Variants in RPAP2 observed in about 807,000 individuals in gnomAD.
The protein encoded by RPAP2 is RNA polymerase II associated protein 2.
A neutral mutation model predicts 73.1 loss-of-function variants in RPAP2; 52 were observed. The ratio of observed to expected loss-of-function variants is 0.71; its 90% CI spans 0.57 to 0.90. The LOEUF is 0.90. Among genes scored for constraint, RPAP2 ranks in the 40% least tolerant of loss-of-function variants. The pLI is 0.00. For synonymous variants in RPAP2, 225 were observed against 242.1 expected (o/e 0.93, Z 0.65); for missense variants, 598 against 701.8 (o/e 0.85, Z 1.67).
intron 11 of RPAP2, among the ~76,000 whole-genome samples, chr1:92,347,789 A>G (rs1653983791): frequency 6.6e-6 from 1 of 152,210 alleles, no homozygotes; most frequent in South Asian, 2.1e-4. Context: ...TTTGGATATA[A>G]TGTAGGGAAC....
intron 12 of RPAP2, among the ~76,000 whole-genome samples, chr1:92,385,521 G>T (rs1293657658): frequency 6.6e-6 from 1 of 152,154 alleles, no homozygotes; most frequent in African/African-American, 2.4e-5. Context: ...AATGAAGATG[G>T]TTGTGAGTAG....
chr1:92,317,477 C>T (rs1651988578), intron 6 of RPAP2, among the ~76,000 whole-genome samples: 1 of 151,902 alleles, frequency 6.6e-6, no homozygotes, highest in East Asian at 1.9e-4. Context: ...CACTGCACTC[C>T]AGCCTAGGCA....
At chr1:92,338,215 G>C (rs1653385234) in intron 10 of RPAP2, among the ~76,000 whole-genome samples, 1 of 152,100 alleles carries the variant, frequency 6.6e-6, no homozygotes, top group South Asian at 2.1e-4. Flanking sequence ...TGAATGATAT[G>C]ATTGTTCTAA....
At chr1:92,357,955 C>T (rs1315284789) in intron 11 of RPAP2, among the ~76,000 whole-genome samples, 2 of 152,300 alleles carry the variant, frequency 1.3e-5, no homozygotes, top group East Asian at 3.9e-4. Flanking sequence ...GACACAGGAT[C>T]TCGCCCTGTT....
In RPAP2 at chr1:92,400,201, G is replaced by C. The variant is rs185308060; in HGVS notation, c.*13190G>C. On this transcript the variant is annotated 3_prime_UTR_variant, in exon 13 of 13. Transcript: ENST00000610020. ...GGATTAGGGAAGCCACCCTCTGTGA[G>C]TGAGTTAAACTGAGATTCCCTCCCC... 1 of 152,234 alleles carries C rather than the reference G, an allele frequency of 6.6e-6. No homozygotes were observed. The highest frequency in any genetic ancestry group is 1.5e-5 in the Non-Finnish European group (1 of 68,064). The allele number at this position is 152,234 out of a possible 1,614,324, so 9.4% of individuals were successfully genotyped here.
At chr1:92,385,758 C>A (rs918502951) in intron 12 of RPAP2, among the ~76,000 whole-genome samples, 24 of 152,068 alleles carry the variant, frequency 1.6e-4, no homozygotes, top group Non-Finnish European at 2.9e-5. Context: ...AACAAACAAA[C>A]AAAAAAGATG....
chr1:92,311,679 A>C (rs552738474), intron 6 of RPAP2, among the ~76,000 whole-genome samples: 1 of 152,338 alleles, frequency 6.6e-6, no homozygotes, highest in East Asian at 1.9e-4. Context: ...AAGTACAGGC[A>C]TATCTTGGAG....
intron 8 of RPAP2, among the ~76,000 whole-genome samples, chr1:92,332,893 A>T (rs548953155): frequency 2.6e-5 from 4 of 152,218 alleles, no homozygotes; most frequent in Non-Finnish European, 5.9e-5. Flanking sequence ...TAGCTCTCTG[A>T]TGCTAACAAA....
intron 10 of RPAP2, among the ~76,000 whole-genome samples, chr1:92,337,739 A>G (rs1653360402): frequency 1.3e-5 from 2 of 152,208 alleles, no homozygotes; most frequent in African/African-American, 2.4e-5. Context: ...TTGTTTATAT[A>G]TAATTTAGGA....
chr1:92,391,860 G>GT lies in RPAP2; in HGVS notation c.*4850dup, dbSNP rs1169510262. On this transcript the variant is annotated 3_prime_UTR_variant, in exon 13 of 13. Coordinates refer to ENST00000610020, the MANE Select transcript of RPAP2 (RefSeq NM_024813.3). ...AGAAGTTGAATCTCTGAATAAACCA[G>GT]TAACAGGTTCTGAAATTGAGGCAAT... 3 of 152,074 alleles carry GT rather than the reference G, an allele frequency of 2.0e-5. No homozygotes were observed. The highest frequency in any genetic ancestry group is 7.2e-5 in the African/African-American group (3 of 41,416). 9.4% of individuals were successfully genotyped at this position (152,074 alleles called of 1,614,324 possible).
chr1:92,335,392 TA>T (rs1349736569), intron 9 of RPAP2, among the ~76,000 whole-genome samples: 4 of 152,062 alleles, frequency 2.6e-5, no homozygotes, highest in East Asian at 3.8e-4. Flanking sequence ...AAAAGAAGCT[TA>T]AAAAAATAAA....
chr1:92,320,611 T>A lies in RPAP2; in HGVS notation c.501T>A (p.Phe167Leu), dbSNP rs753401340. Residue 167 changes from phenylalanine (F) to leucine (L), a missense_variant, in exon 7 of 13, where the codon TTT (phenylalanine) becomes TTA (leucine). Phe to Leu is a conservative substitution (Grantham distance 22, BLOSUM62 0). Coordinates refer to ENST00000610020, the MANE Select transcript of RPAP2 (RefSeq NM_024813.3). ...GTTCTTATTACAGGCATCCTGATTT[T>A]CAACTGCTAAAGGAAGAACAAAGGT... ...WVREEERHPD[F>L]QLLKEEQSGH... 1 of 1,611,494 alleles carries A rather than the reference T, an allele frequency of 6.2e-7. No homozygotes were observed.
In RPAP2 at chr1:92,328,147, T is replaced by A. The variant is rs190935967; in HGVS notation, c.1455+3772T>A. Among the ~76,000 whole-genome samples, 18 of 152,344 alleles carry A rather than the reference T, an allele frequency of 1.2e-4. 1 individual carries two copies. The highest frequency in any genetic ancestry group is 4.1e-4 in the African/African-American group (17 of 41,584). The stretch of plus-strand genomic sequence containing the variant: ...ACTATGTGCCGGGGCAATGATCTTT[T>A]TATGATGAGTTTCCCAGGTGTTCTT... On this transcript the variant is annotated intron_variant, in intron 8 of 12. Transcript: ENST00000610020.
chr1:92,356,605 CTG>C (rs1654478262), intron 11 of RPAP2, among the ~76,000 whole-genome samples: 1 of 69,528 alleles, frequency 1.4e-5, no homozygotes, highest in African/African-American at 5.4e-5. Flanking sequence ...TTTTTTTTTT[CTG>C]TATTTTTAGT....
chr1:92,362,688 T>G (rs1239419207), intron 11 of RPAP2, among the ~76,000 whole-genome samples: 5 of 152,206 alleles, frequency 3.3e-5, no homozygotes, highest in Non-Finnish European at 7.3e-5. Flanking sequence ...TTACAGTAAT[T>G]GAATCTCCAG....
rs1333487848 is a variant in RPAP2 at position 92,307,225 on chromosome 1, T to G, written c.437T>G (p.Phe146Cys). Residue 146 changes from phenylalanine to cysteine, a missense_variant, in exon 6 of 13, where the codon TTT becomes TGT. Phe to Cys is a radical substitution (Grantham distance 205). Transcript: ENST00000610020. ...CSNFCYQASK[F>C]FEAQIPKTPV... is the part of the protein sequence containing the mutation. Reference sequence around the variant, plus strand: ...AATTTTTGTTATCAAGCATCTAAGTTTTTTGAAGCACAAATTCCCAAAACT... The same window carrying G: ...AATTTTTGTTATCAAGCATCTAAGTGTTTTGAAGCACAAATTCCCAAAACT... The G allele has an allele frequency of 1.9e-6, 3 of 1,612,334 alleles. No individual in the cohort carries two copies. Among genetic ancestry groups the G allele is most frequent in the Non-Finnish European group, 2.5e-6 (3 of 1,179,542 alleles).
At position 92,394,874 on chromosome 1, in the gene RPAP2, A is replaced by C. The variant is rs923816822; in HGVS notation, c.*7863A>C. ...AACATAAAGGATTCAGAATAGCCAA[A>C]ATAATTCTGAAAATGAAGAAATAAT... On this transcript the variant is annotated 3_prime_UTR_variant, in exon 13 of 13. Coordinates refer to ENST00000610020, the MANE Select transcript of RPAP2 (RefSeq NM_024813.3). 6.6e-6 allele frequency: 1 copy of C among 152,222 alleles called. No individual in the cohort carries two copies. The highest frequency in any genetic ancestry group is 1.5e-5 in the Non-Finnish European group (1 of 68,038). 9.4% of individuals were successfully genotyped at this position (152,222 alleles called of 1,614,324 possible). A position where few individuals can be genotyped will look rare whatever the true frequency, so the allele number is the denominator to read the frequency against.
At chr1:92,366,678 A>C (rs1654949365) in intron 11 of RPAP2, among the ~76,000 whole-genome samples, 1 of 152,246 alleles carries the variant, frequency 6.6e-6, no homozygotes, top group South Asian at 2.1e-4. Context: ...AATTACTTTC[A>C]TGCTAAGGAG....
intron 11 of RPAP2, among the ~76,000 whole-genome samples, chr1:92,360,774 A>G (rs527704789): frequency 6.6e-6 from 1 of 152,218 alleles, no homozygotes; most frequent in African/African-American, 2.4e-5. Context: ...CAAACCTTGT[A>G]TATTTCAGCT....
Sources: allele counts gnomAD v4.1 joint callset (sites outside exome capture counted in the v4.1 genomes callset), GRCh38; gene constraint gnomAD v4.1.1; transcripts MANE v1.5; gene names NCBI Gene and HGNC (gene_info 2026-07-23, HGNC 2026-07-21).